IPO5: variants seen among roughly 807,000 people sequenced by gnomAD.
IPO5 encodes the protein importin-5.
Under a neutral mutation model 143.3 loss-of-function variants are expected in IPO5, and 18 were observed. The ratio of observed to expected loss-of-function variants is 0.13; its 90% CI spans 0.09 to 0.19. The LOEUF is 0.19. IPO5 is among the 10% of genes least tolerant of loss of function. The pLI, the probability that IPO5 is intolerant of heterozygous loss-of-function variation, is 1.00. For synonymous variants in IPO5, 477 were observed against 465.7 expected, an observed-to-expected ratio of 1.02 and a Z score of -0.31; for missense variants, 1,013 against 1,336.9, an observed-to-expected ratio of 0.76 and a Z score of 3.78.
At chr13:98,002,390 T>G (rs1313022170) in intron 13 of IPO5, 77 bp from the exon 14 acceptor site, 30 of 1,416,348 alleles carry the variant, frequency 2.1e-5, no homozygotes, top group Non-Finnish European at 2.9e-5. Flanking sequence ...AAATAAGAAC[T>G]TTTATACATC....
At chr13:97,988,794 A>G (rs1158815413) in intron 6 of IPO5, among the ~76,000 whole-genome samples, 1 of 152,146 alleles carries the variant, frequency 6.6e-6, no homozygotes, top group Non-Finnish European at 1.5e-5. Flanking sequence ...TCTAAAAAAA[A>G]GAAGAACCTC....
chr13:97,993,809 T>A (rs1477566906), intron 11 of IPO5, among the ~76,000 whole-genome samples: 1 of 152,246 alleles, frequency 6.6e-6, no homozygotes, highest in Non-Finnish European at 1.5e-5. Flanking sequence ...TAATGAGTAC[T>A]TGAACACTTA....
intron 13 of IPO5, chr13:98,000,925 A>G (rs1003301600): frequency 3.5e-5 from 13 of 370,222 alleles, no homozygotes; most frequent in Admixed American, 1.2e-4. Flanking sequence ...CTTTCACCCA[A>G]TATCTTTTAT....
intron 12 of IPO5, among the ~76,000 whole-genome samples, chr13:97,997,935 T>C (rs1260519309): frequency 6.6e-6 from 1 of 152,120 alleles, no homozygotes; most frequent in African/African-American, 2.4e-5. Context: ...TTTTCTTTTT[T>C]AAAAAAAAGT....
chr13:97,973,624 C>T (rs992733069), intron 3 of IPO5, among the ~76,000 whole-genome samples: 1 of 152,196 alleles, frequency 6.6e-6, no homozygotes, highest in African/African-American at 2.4e-5. Context: ...CCTTAAAATT[C>T]TTCTCCTTCC....
chr13:98,021,859 A>G lies in IPO5; in HGVS notation c.*37A>G, dbSNP rs1890519953. The G allele has an allele frequency of 1.4e-6, 2 of 1,389,240 alleles. No individual in the cohort carries two copies. The highest frequency in any genetic ancestry group is 1.4e-5 in the African/African-American group (1 of 70,070). 86.1% of individuals were successfully genotyped at this position (1,389,240 alleles called of 1,614,324 possible). On this transcript the variant is annotated 3_prime_UTR_variant, in exon 29 of 29. Coordinates refer to ENST00000651721, the MANE Select transcript of IPO5 (RefSeq NM_002271.6). ...GTCACCCACCAGAAAACTAACTCCAAATAAACGCTTACCCTTTCCTTTAGG... is the reference window on the plus strand; with the variant it reads ...GTCACCCACCAGAAAACTAACTCCAGATAAACGCTTACCCTTTCCTTTAGG...
Position 98,021,071 on chromosome 13 carries a change from G to A in IPO5, c.3145G>A (p.Glu1049Lys), listed in dbSNP as rs748198568. The A allele has an allele frequency of 4.3e-6, 7 of 1,611,864 alleles. No individual in the cohort carries two copies. The East Asian group carries it at 6.7e-5, about 15-fold the overall frequency. ...FSIIAEGEMH[E>K]AIKHEDPCAK... Reference sequence around the variant, plus strand: ...TATAATTGCGGAAGGAGAAATGCACGAGGCAATTAAACATGAAGATCCTTG... The same window carrying A: ...TATAATTGCGGAAGGAGAAATGCACAAGGCAATTAAACATGAAGATCCTTG... Residue 1049 changes from glutamate (E) to lysine (K), a missense_variant, in exon 28 of 29, where the codon GAG (glutamate) becomes AAG (lysine). Glu to Lys is a moderately conservative substitution (Grantham distance 56). Around this residue, in one of 2 missense-constraint regions of IPO5, gnomAD observed 685 missense variants for 994.9 expected, o/e 0.69. Transcript: ENST00000651721.
At chr13:97,981,921 C>A (rs914086109) in intron 4 of IPO5, 1 of 152,528 alleles carries the variant, frequency 6.6e-6, no homozygotes, top group Non-Finnish European at 1.5e-5. Context: ...CTACAAAAGA[C>A]GATAAAGCCT....
chr13:98,015,564 A>T lies in IPO5; in HGVS notation c.2360A>T (p.Asn787Ile), dbSNP rs771995491. ...IEVMGDGCLNNEHFEELGGIL... is the reference protein window; with the variant it reads ...IEVMGDGCLNIEHFEELGGIL... ...GTAATGGGAGATGGATGCCTTAATA[A>T]TGAACACTTTGAAGAACTGGGAGGT... is the stretch of plus-strand genomic sequence containing the variant. Residue 787 changes from asparagine (N) to isoleucine (I), a missense_variant, in exon 23 of 29, where the codon AAT becomes ATT. This residue lies in a region of IPO5 where 685 missense variants were observed against 994.9 expected (regional missense o/e 0.69). Transcript: ENST00000651721. 2 of 1,611,292 alleles carry T rather than the reference A, an allele frequency of 1.2e-6. No homozygotes were observed. The highest frequency in any genetic ancestry group is 1.7e-6 in the Non-Finnish European group (2 of 1,177,930).
In IPO5 at chr13:98,014,229, C is replaced by A; in HGVS notation, c.2325+15C>A. The A allele has an allele frequency of 1.3e-6, 2 of 1,565,416 alleles. No individual in the cohort carries two copies. The highest frequency in any genetic ancestry group is 1.1e-5 in the South Asian group (1 of 87,850). On this transcript the variant is annotated intron_variant, in intron 22 of 28. Transcript: ENST00000651721. Reference sequence around the variant, plus strand: ...CTTTTGCAAAGGTGAATATTTTTCTCTTAAAAAATATGTATAAGGTTGTAT... The same window carrying A: ...CTTTTGCAAAGGTGAATATTTTTCTATTAAAAAATATGTATAAGGTTGTAT...
chr13:98,016,908 C>G, intron 25 of IPO5, 57 bp downstream of exon 25: 1 of 1,297,854 alleles, frequency 7.7e-7, no homozygotes, highest in Admixed American at 2.8e-5. Context: ...ATTCTTTTCA[C>G]TGCAACGTAA....
chr13:97,975,072 C>G (rs1886154421), intron 3 of IPO5, among the ~76,000 whole-genome samples: 1 of 152,172 alleles, frequency 6.6e-6, no homozygotes, highest in African/African-American at 2.4e-5. Context: ...ATTAAATTCC[C>G]TAAGTTAAAT....
chr13:98,003,934 A>G (rs1889002407), intron 16 of IPO5, among the ~76,000 whole-genome samples: 1 of 152,236 alleles, frequency 6.6e-6, no homozygotes, highest in Non-Finnish European at 1.5e-5. Flanking sequence ...TAGAAGCAAC[A>G]TCATTTTTGA....
At chr13:97,988,597 G>C (rs1887567232) in intron 6 of IPO5, among the ~76,000 whole-genome samples, 1 of 152,204 alleles carries the variant, frequency 6.6e-6, no homozygotes. Flanking sequence ...AGACCAGCCT[G>C]GCCATCATGG....
In IPO5 at chr13:97,993,011, A is replaced by G. The variant is rs1211489962; in HGVS notation, c.789A>G (p.Leu263=). ...TGGAAGCAACTCTACAGCTAAGTCTAAAGGTAAATTAAGTACGTTAGTAAA... is the reference window on the plus strand; with the variant it reads ...TGGAAGCAACTCTACAGCTAAGTCTGAAGGTAAATTAAGTACGTTAGTAAA... The part of the protein sequence containing the change: ...PHLEATLQLS[L]KLCGDTSLNN... Residue 263 remains leucine, a synonymous_variant, in exon 10 of 29, where the codon CTA becomes CTG. Coordinates refer to ENST00000651721, the MANE Select transcript of IPO5 (RefSeq NM_002271.6). 3 of 1,613,152 alleles carry G rather than the reference A, an allele frequency of 1.9e-6. No individual in the cohort carries two copies. The highest frequency in any genetic ancestry group is 2.5e-6 in the Non-Finnish European group (3 of 1,179,384).
chr13:98,006,066 A>T, intron 16 of IPO5, 64 bp from the exon 17 acceptor site: 1 of 1,079,988 alleles, frequency 9.3e-7, no homozygotes, highest in Non-Finnish European at 1.4e-6. Flanking sequence ...AGGGAGTAGT[A>T]ATTGTAAATT....
chr13:97,966,903 G>T (rs1205713474), intron 2 of IPO5, among the ~76,000 whole-genome samples: 2 of 152,154 alleles, frequency 1.3e-5, no homozygotes, highest in Non-Finnish European at 2.9e-5. Context: ...GGGTGTGGTG[G>T]TGTGTGCCTA....
rs543121814 is a variant in IPO5, at chr13:97,983,218, T to C, written c.171+635T>C. 3.9e-5 allele frequency among the ~76,000 whole-genome samples: 6 copies of C among 152,340 alleles called. No individual in the cohort carries two copies. The South Asian group carries it at 1.2e-3, about 32-fold the overall frequency. Reference sequence around the variant, plus strand: ...TAAAAGTTTTCTTTCCTTGAAACAATTTATTCTAAAGAAGTAAATTAGTTC... The same window carrying C: ...TAAAAGTTTTCTTTCCTTGAAACAACTTATTCTAAAGAAGTAAATTAGTTC... On this transcript the variant is annotated intron_variant, in intron 5 of 28. Transcript: ENST00000651721.
At chr13:98,006,500 G>T in intron 17 of IPO5, 152 bp downstream of exon 17, 1 of 542,728 alleles carries the variant, frequency 1.8e-6, no homozygotes, top group Non-Finnish European at 3.1e-6. Context: ...TCAGCCTCCC[G>T]AGTAGCTGGG....
Sources: gnomAD v4.1 joint callset for allele counts (sites outside exome capture counted in the v4.1 genomes callset) on GRCh38, gnomAD v4.1.1 for gene constraint, gnomAD v4.1.1 regional missense constraint, MANE v1.5 for transcripts, NCBI Gene and HGNC (gene_info 2026-07-23, HGNC 2026-07-21) for gene names.